The following EPS8L2 variants were observed in gnomAD, a reference collection of about 807,000 sequenced individuals.
The protein encoded by EPS8L2 is epidermal growth factor receptor kinase substrate 8-like protein 2.
A neutral mutation model predicts 99.4 loss-of-function variants in EPS8L2; 81 were observed. That is an observed-to-expected ratio of 0.82 (90% confidence interval 0.68 to 0.98). EPS8L2 has a LOEUF of 0.98. Ranked by LOEUF, EPS8L2 falls within the 50% of genes least tolerant of loss-of-function variation. EPS8L2 has a pLI of 0.00. For missense variants in EPS8L2, 1,155 were observed against 968.8 expected (o/e 1.19, Z -2.55); for synonymous variants, 509 against 407.3 (o/e 1.25, Z -3.01).
intron 4 of EPS8L2, among the ~76,000 whole-genome samples, chr11:712,356 G>A (rs7480607): frequency 1.3e-5 from 2 of 151,866 alleles, no homozygotes; most frequent in African/African-American, 2.4e-5. Context: ...AAGCCTGGGT[G>A]CGAGCTGGGC....
chr11:721,815 GCCCA>G, intron 10 of EPS8L2, 84 bp from the exon 11 acceptor site: 1 of 1,517,742 alleles, frequency 6.6e-7, no homozygotes, highest in South Asian at 1.2e-5. Flanking sequence ...GGAAGGTCCA[GCCCA>G]CACAGATGGG....
rs533723349 is a variant in EPS8L2, at chr11:722,077, G to T, written c.985-14G>T. 3.1e-6 allele frequency: 5 copies of T among 1,612,812 alleles called. No individual in the cohort carries two copies. In the African/African-American group the frequency reaches 4.0e-5, roughly 13 times the overall value. On this transcript the variant is annotated splice_polypyrimidine_tract_variant and intron_variant, in intron 11 of 20. Coordinates refer to ENST00000318562, the MANE Select transcript of EPS8L2 (RefSeq NM_022772.4). ...GCCCCGCCCCGGCACCTGCTCACTT[G>T]TTCCCACCCCCAGGCAAAGCTGCAG...
chr11:716,083 C>T (rs1185662936), intron 4 of EPS8L2, among the ~76,000 whole-genome samples: 3 of 151,036 alleles, frequency 2.0e-5, no homozygotes, highest in African/African-American at 7.3e-5. Context: ...AGCGATTCTC[C>T]TGCCTCAGCC....
chr11:717,206 AC>A (rs1862046793), intron 4 of EPS8L2, among the ~76,000 whole-genome samples: 1 of 151,908 alleles, frequency 6.6e-6, no homozygotes, highest in Admixed American at 6.6e-5. Context: ...CGAACTCCTG[AC>A]CTTGTGATCC....
In EPS8L2 at chr11:720,124, G is replaced by C. The variant is rs779496844; in HGVS notation, c.228G>C (p.Arg76=). The C allele has an allele frequency of 1.9e-6, 3 of 1,613,420 alleles. No homozygotes were observed. The highest frequency in any genetic ancestry group is 2.5e-6 in the Non-Finnish European group (3 of 1,179,984). The part of the protein sequence containing the change: ...EAITSVDDAI[R]KLVQLSSKEK... ...TCACGTCTGTGGACGACGCCATCCG[G>C]AAGCTGGTGCAGCTGAGCTCCAAGG... The change falls in exon 5 of 21, where the codon CGG becomes CGC. Residue 76 remains arginine, a synonymous_variant. Transcript: ENST00000318562.
rs2133536443 is a variant in EPS8L2, at chr11:724,301, A to G, written c.1455-423A>G. Among the ~76,000 whole-genome samples, 1 of 151,912 alleles carries G rather than the reference A, an allele frequency of 6.6e-6. No homozygotes were observed. The highest frequency in any genetic ancestry group is 1.9e-4 in the East Asian group (1 of 5,138). Reference sequence around the variant, plus strand: ...CTTGAGACCCGTCCTCCACTGGACCATTTGGGCTGTGTTCAGTCCTCAGAG... The same window carrying G: ...CTTGAGACCCGTCCTCCACTGGACCGTTTGGGCTGTGTTCAGTCCTCAGAG... On this transcript the variant is annotated intron_variant, in intron 15 of 20. Coordinates refer to ENST00000318562, the MANE Select transcript of EPS8L2 (RefSeq NM_022772.4). The surrounding 1 kb of genome is among the most constrained non-coding windows in gnomAD (Gnocchi z 5.5).
chr11:720,914 G>GGCAGCGGGCGGAGCGGGGTC lies in EPS8L2; in HGVS notation c.557+10_557+29dup, dbSNP rs2133525156. On this transcript the variant is annotated splice_donor_region_variant and intron_variant, in intron 7 of 20. Coordinates refer to ENST00000318562, the MANE Select transcript of EPS8L2 (RefSeq NM_022772.4). ...GATGCGGCCGCAGACCCTGAAGTAG[G>GGCAGCGGGCGGAGCGGGGTC]GCAGCGGGCGGAGCGGGGTCGCAGG... 2.0e-6 allele frequency: 3 copies of GGCAGCGGGCGGAGCGGGGTC among 1,475,900 alleles called. No homozygotes were observed. The highest frequency in any genetic ancestry group is 1.2e-5 in the South Asian group (1 of 82,740). 91.4% of individuals were successfully genotyped at this position (1,475,900 alleles called of 1,614,324 possible).
At chr11:720,978 G>GCCGGGAGGGGAGGGGAGGAGC in intron 7 of EPS8L2, 69 bp downstream of exon 7, 1 of 1,097,666 alleles carries the variant, frequency 9.1e-7, no homozygotes, top group Non-Finnish European at 1.2e-6. Flanking sequence ...GAGGGGAGGA[G>GCCGGGAGGGGAGGGGAGGAGC]CCGGCAGGGG....
At chr11:707,753 C>T (rs1810003526) in intron 1 of EPS8L2, among the ~76,000 whole-genome samples, 1 of 152,042 alleles carries the variant, frequency 6.6e-6, no homozygotes, top group South Asian at 2.1e-4. Context: ...AGGCCAGGAA[C>T]CTGGCCTTCC....
chr11:723,296 C>T lies in EPS8L2; in HGVS notation c.1397C>T (p.Ser466Leu), dbSNP rs142895363. 7 of 1,604,624 alleles carry T rather than the reference C, an allele frequency of 4.4e-6. No individual in the cohort carries two copies. Among genetic ancestry groups the T allele is most frequent in the African/African-American group, 1.3e-5 (1 of 74,342 alleles). Residue 466 changes from serine (S) to leucine (L), a missense_variant, in exon 15 of 21, where the codon TCA becomes TTA. Coordinates refer to ENST00000318562, the MANE Select transcript of EPS8L2 (RefSeq NM_022772.4). ...IRNSQKHSPT[S>L]EPTPPGDALP... ...AACTCCCAGAAGCACAGCCCCACTT[C>T]AGAGCCCACCCCCCCGGGGGATGCC...
intron 4 of EPS8L2, among the ~76,000 whole-genome samples, chr11:716,298 G>A (rs577968906): frequency 7.2e-5 from 11 of 151,786 alleles, no homozygotes; most frequent in East Asian, 1.9e-4. Context: ...ACAGGCGCCC[G>A]CCACCCCGCC....
At chr11:726,199 C>T in intron 18 of EPS8L2, 29 bp downstream of exon 18, 2 of 1,592,904 alleles carry the variant, frequency 1.3e-6, no homozygotes, top group East Asian at 2.3e-5. Flanking sequence ...AGGCGGGGGT[C>T]CCGGGCCCAG....
At chr11:711,685 TG>T (rs1861893601) in intron 4 of EPS8L2, among the ~76,000 whole-genome samples, 1 of 152,048 alleles carries the variant, frequency 6.6e-6, no homozygotes, top group Non-Finnish European at 1.5e-5. Context: ...TCCAGCAGCC[TG>T]GGCAACAGAG....
Position 725,676 on chromosome 11 carries a change from C to T in EPS8L2, c.1561-52C>T, listed in dbSNP as rs893870027. 7.0e-6 allele frequency: 9 copies of T among 1,290,496 alleles called. No individual in the cohort carries two copies. In the South Asian group the frequency reaches 2.1e-4, roughly 30 times the overall value. The allele number at this position is 1,290,496 out of a possible 1,614,324, so 79.9% of individuals were successfully genotyped here. ...CTGTAAAGCGGCGCCAGCGGGTGGT[C>T]CCAGCCCCGCAGAGCCTGGGTGTGG... On this transcript the variant is annotated intron_variant, in intron 16 of 20. Coordinates refer to ENST00000318562, the MANE Select transcript of EPS8L2 (RefSeq NM_022772.4).
At chr11:725,420 G>A (rs1666327329) in intron 16 of EPS8L2, among the ~76,000 whole-genome samples, 1 of 152,204 alleles carries the variant, frequency 6.6e-6, no homozygotes, top group Non-Finnish European at 1.5e-5. Context: ...CTGAGGTGGG[G>A]GGATCGCCTG....
chr11:725,127 A>G (rs1862279911), intron 16 of EPS8L2, among the ~76,000 whole-genome samples: 3 of 152,220 alleles, frequency 2.0e-5, no homozygotes, highest in Non-Finnish European at 4.4e-5. Context: ...ACACCCACCC[A>G]GGAGCCCCCA....
At chr11:711,265 CGTGCGTGT>C (rs929391709) in intron 4 of EPS8L2, among the ~76,000 whole-genome samples, 64 of 123,792 alleles carry the variant, frequency 5.2e-4, no homozygotes, top group Middle Eastern at 4.3e-3. Flanking sequence ...TGTGTGCGTG[CGTGCGTGT>C]GTGTGTGTGT....
intron 1 of EPS8L2, among the ~76,000 whole-genome samples, chr11:707,872 G>T (rs1272401495): frequency 6.6e-6 from 1 of 152,144 alleles, no homozygotes; most frequent in African/African-American, 2.4e-5. Context: ...CACGTGCCTG[G>T]CGCCCTTGGT....
intron 15 of EPS8L2, 33 bp downstream of exon 15, chr11:723,386 G>A: frequency 2.0e-6 from 2 of 1,023,492 alleles, no homozygotes; most frequent in South Asian, 3.2e-5. Flanking sequence ...GAGCATGAAA[G>A]TGAAACCCTT....
Sources: allele counts gnomAD v4.1 joint callset (sites outside exome capture counted in the v4.1 genomes callset), GRCh38; gene constraint gnomAD v4.1.1; non-coding constraint Gnocchi (gnomAD v3.1); transcripts MANE v1.5; gene names NCBI Gene and HGNC (gene_info 2026-07-23, HGNC 2026-07-21).